RPS6KL1: variants seen among roughly 807,000 people sequenced by gnomAD.
The protein encoded by RPS6KL1 is ribosomal protein S6 kinase-like 1.
In RPS6KL1, 41 loss-of-function variants were observed where a neutral mutation model predicts 57.0. The observed-to-expected ratio is 0.72, with a 90% confidence interval of 0.56 to 0.93. The LOEUF is 0.93. Ranked by LOEUF, RPS6KL1 falls within the 40% of genes least tolerant of loss-of-function variation. RPS6KL1 has a pLI of 0.00. For missense variants in RPS6KL1, 697 were observed against 727.7 expected, an observed-to-expected ratio of 0.96 and a Z score of 0.49; for synonymous variants, 287 against 309.7, an observed-to-expected ratio of 0.93 and a Z score of 0.77.
In RPS6KL1 at chr14:74,911,530, C is replaced by T. The variant is rs1885975754; in HGVS notation, c.532-150G>A. On this transcript the variant is annotated intron_variant, in intron 6 of 11. Coordinates refer to ENST00000557413, the MANE Select transcript of RPS6KL1 (RefSeq NM_031464.5). ...TGACCTGTCCTTACCCCCACTGCCC[C>T]TGTAGAATCTGGGTCCTCCACCCTC... is the stretch of plus-strand genomic sequence containing the variant. 3 of 884,174 alleles carry T rather than the reference C, an allele frequency of 3.4e-6. No individual in the cohort carries two copies. The East Asian group carries it at 7.9e-5, about 23-fold the overall frequency. 54.8% of individuals were successfully genotyped at this position (884,174 alleles called of 1,614,324 possible).
At position 74,911,311 on chromosome 14, in the gene RPS6KL1, T is replaced by A. The variant is rs777363108; in HGVS notation, c.601A>T (p.Thr201Ser). The A allele has an allele frequency of 2.5e-6, 4 of 1,612,400 alleles. No individual in the cohort carries two copies. Among genetic ancestry groups the A allele is most frequent in the Non-Finnish European group, 3.4e-6 (4 of 1,179,992 alleles). ...TIIPHGVPYM[T>S]KLLRYFVSED... The stretch of plus-strand genomic sequence containing the variant: ...CTCACAAAGTACCTGAGCAGCTTCG[T>A]CATGTAGGGGACTCCGTGTGGGATG... Residue 201 changes from threonine (T) to serine (S), a missense_variant, in exon 7 of 12, where the codon ACG (threonine) becomes TCG (serine). Transcript: ENST00000557413.
intron 10 of RPS6KL1, among the ~76,000 whole-genome samples, chr14:74,908,323 T>TC (rs1390282889): frequency 6.6e-6 from 1 of 152,150 alleles, no homozygotes; most frequent in Non-Finnish European, 1.5e-5. Flanking sequence ...CATCAACTGT[T>TC]CCCAAGAGTG....
intron 5 of RPS6KL1, among the ~76,000 whole-genome samples, chr14:74,915,630 C>G (rs114885274): frequency 6.6e-6 from 1 of 152,164 alleles, no homozygotes; most frequent in South Asian, 2.1e-4. Flanking sequence ...AGGGTGGAGG[C>G]GCAGAAAGGA....
chr14:74,906,674 T>C lies in RPS6KL1; in HGVS notation c.*340A>G. 1.9e-6 allele frequency: 1 copy of C among 533,054 alleles called. No individual in the cohort carries two copies. Among genetic ancestry groups the C allele is most frequent in the South Asian group, 1.5e-5 (1 of 67,198 alleles). 33.0% of individuals were successfully genotyped at this position (533,054 alleles called of 1,614,324 possible). A position where few individuals can be genotyped will look rare whatever the true frequency, so the allele number is the denominator to read the frequency against. Reference sequence around the variant, plus strand: ...TGAGTCACAGAACCTCACAGTAGGGTGCAGCAGGTGGTCAACAGCTCAGCG... The same window carrying C: ...TGAGTCACAGAACCTCACAGTAGGGCGCAGCAGGTGGTCAACAGCTCAGCG... On this transcript the variant is annotated 3_prime_UTR_variant, in exon 12 of 12. Transcript: ENST00000557413.
chr14:74,917,615 CCTT>C (rs1354047217), intron 5 of RPS6KL1, among the ~76,000 whole-genome samples: 1 of 152,142 alleles, frequency 6.6e-6, no homozygotes. Flanking sequence ...CATTGTCTGT[CCTT>C]CTAATCAGAA....
At position 74,919,952 on chromosome 14, in the gene RPS6KL1, G is replaced by A. The variant is rs763192790; in HGVS notation, c.283C>T (p.Arg95Ter). The change falls in exon 4 of 12, where the codon CGA (arginine) becomes TGA (stop). Residue 95 changes from arginine (R) to a stop codon, truncating the protein, a stop_gained. Transcript: ENST00000557413. LOFTEE classifies it high-confidence loss of function. ...ATTTTCAGCTTCACAGCCTCACGTC[G>A]CTCCTTGTTGGGGTCAACTGTGGGA... ...RGIHVDPNKE[R>*]REAVKLKITK... 8.7e-6 allele frequency: 14 copies of A among 1,614,006 alleles called. No homozygotes were observed. The highest frequency in any genetic ancestry group is 4.5e-5 in the East Asian group (2 of 44,894).
rs1277791970 is a variant in RPS6KL1, at chr14:74,910,103, T to G, written c.710A>C (p.His237Pro). ...SHLLSQAHSR[H>P]SGLSSGSTQE... Reference sequence around the variant, plus strand: ...GGTAGAGCCAGAGCTGAGCCCAGAATGTCGGGAGTGCGCCTGGGAGAGCAG... The same window carrying G: ...GGTAGAGCCAGAGCTGAGCCCAGAAGGTCGGGAGTGCGCCTGGGAGAGCAG... Residue 237 changes from histidine (H) to proline (P), a missense_variant, in exon 8 of 12, where the codon CAT becomes CCT. Transcript: ENST00000557413. 2.5e-6 allele frequency: 4 copies of G among 1,583,172 alleles called. No individual in the cohort carries two copies. The highest frequency in any genetic ancestry group is 3.4e-6 in the Non-Finnish European group (4 of 1,165,236).
Position 74,921,378 on chromosome 14 carries a change from G to A in RPS6KL1, c.164C>T (p.Thr55Met), listed in dbSNP as rs773424446. 9.9e-6 allele frequency: 16 copies of A among 1,614,134 alleles called. No individual in the cohort carries two copies. The highest frequency in any genetic ancestry group is 1.6e-4 in the Middle Eastern group (1 of 6,084). ...GCGCTCCAGGGCCAGCCGGATCTGC[G>A]TGGCCGCATCCACCAGATAGTCACG... Reference protein sequence around the residue: ...TKRDYLVDAATQIRLALERDV... With the variant: ...TKRDYLVDAAMQIRLALERDV... The change falls in exon 3 of 12, where the codon ACG becomes ATG. Residue 55 changes from threonine to methionine, a missense_variant. By Grantham distance (81) the Thr-to-Met change is moderately conservative. Transcript: ENST00000557413.
chr14:74,921,672 G>A, intron 2 of RPS6KL1, 111 bp from the exon 3 acceptor site: 3 of 1,469,022 alleles, frequency 2.0e-6, no homozygotes, highest in Non-Finnish European at 2.7e-6. Flanking sequence ...TCCAAAGACT[G>A]AAGGGGTCAG....
intron 5 of RPS6KL1, among the ~76,000 whole-genome samples, chr14:74,915,470 T>C (rs1237162300): frequency 6.6e-6 from 1 of 152,210 alleles, no homozygotes; most frequent in African/African-American, 2.4e-5. Flanking sequence ...CAATTAAAGC[T>C]TTGGTGAAAC....
At chr14:74,921,056 A>C (rs1321991155) in intron 3 of RPS6KL1, among the ~76,000 whole-genome samples, 4 of 152,240 alleles carry the variant, frequency 2.6e-5, no homozygotes, top group African/African-American at 9.6e-5. Context: ...TGTGACACTC[A>C]AATGAATGAA....
intron 9 of RPS6KL1, 22 bp downstream of exon 9, chr14:74,909,079 C>A (rs759749694): frequency 4.9e-5 from 79 of 1,611,468 alleles, no homozygotes; most frequent in Non-Finnish European, 6.5e-5. Flanking sequence ...CTAAGGCCCA[C>A]CCTGGCCTCC....
In RPS6KL1 at chr14:74,910,095, G is replaced by A. The variant is rs1885667754; in HGVS notation, c.718C>T (p.Leu240Phe). ...CTCTCCTGGGTAGAGCCAGAGCTGA[G>A]CCCAGAATGTCGGGAGTGCGCCTGG... ...LSQAHSRHSG[L>F]SSGSTQERMK... The change falls in exon 8 of 12, where the codon CTC becomes TTC. Residue 240 changes from leucine to phenylalanine, a missense_variant. By Grantham distance (22) the Leu-to-Phe change is conservative. Coordinates refer to ENST00000557413, the MANE Select transcript of RPS6KL1 (RefSeq NM_031464.5). The A allele has an allele frequency of 1.3e-6, 2 of 1,592,036 alleles. No individual in the cohort carries two copies. Among genetic ancestry groups the A allele is most frequent in the Non-Finnish European group, 1.7e-6 (2 of 1,169,100 alleles).
chr14:74,912,267 G>C (rs950603376), intron 5 of RPS6KL1, among the ~76,000 whole-genome samples: 1 of 152,200 alleles, frequency 6.6e-6, no homozygotes, highest in Non-Finnish European at 1.5e-5. Context: ...CACTGTGTGC[G>C]TGGTGGGCAT....
intron 5 of RPS6KL1, among the ~76,000 whole-genome samples, chr14:74,918,243 A>G (rs1191973889): frequency 6.6e-6 from 1 of 152,130 alleles, no homozygotes; most frequent in African/African-American, 2.4e-5. Flanking sequence ...GGTGTGAGCC[A>G]CTGTGGCTGG....
Position 74,908,940 on chromosome 14 carries a change from A to C in RPS6KL1, c.1361-8T>G, listed in dbSNP as rs1358152216. The C allele has an allele frequency of 6.2e-7, 1 of 1,612,436 alleles. No individual in the cohort carries two copies. The highest frequency in any genetic ancestry group is 8.5e-7 in the Non-Finnish European group (1 of 1,178,978). ...CGGAAATCCCACCCACCTCTGTGGG[A>C]ACAAGAACACAGGTGTCCCAGCCTC... On this transcript the variant is annotated splice_polypyrimidine_tract_variant and splice_region_variant and intron_variant, in intron 9 of 11. Coordinates refer to ENST00000557413, the MANE Select transcript of RPS6KL1 (RefSeq NM_031464.5).
chr14:74,922,471 G>T lies in RPS6KL1; in HGVS notation c.-514C>A. Reference sequence around the variant, plus strand: ...GAGCCAGCAGAGAGCAGAGCACAGAGCTGGGCTGTAAGAACTGTTGGCAGA... The same window carrying T: ...GAGCCAGCAGAGAGCAGAGCACAGATCTGGGCTGTAAGAACTGTTGGCAGA... On this transcript the variant is annotated 5_prime_UTR_variant, in exon 2 of 12. Coordinates refer to ENST00000557413, the MANE Select transcript of RPS6KL1 (RefSeq NM_031464.5). 7.8e-6 allele frequency: 3 copies of T among 386,448 alleles called. No individual in the cohort carries two copies. The highest frequency in any genetic ancestry group is 1.1e-5 in the Non-Finnish European group (3 of 281,720). 23.9% of individuals were successfully genotyped at this position (386,448 alleles called of 1,614,324 possible).
Position 74,922,203 on chromosome 14 carries a change from C to T in RPS6KL1, c.-246G>A, listed in dbSNP as rs1017988341. ...TCCACAGCCACCTTCACAGGGCCTC[C>T]GTAGAGCAAGCTTGGTATCCAGTAC... On this transcript the variant is annotated 5_prime_UTR_variant, in exon 2 of 12. Transcript: ENST00000557413. 35 of 986,998 alleles carry T rather than the reference C, an allele frequency of 3.5e-5. No homozygotes were observed. The highest frequency in any genetic ancestry group is 4.0e-5 in the Non-Finnish European group (33 of 831,064). The allele number at this position is 986,998 out of a possible 1,614,324, so 61.1% of individuals were successfully genotyped here.
chr14:74,921,238 T>TCCCCC, intron 3 of RPS6KL1, 39 bp downstream of exon 3: 13 of 840,134 alleles, frequency 1.5e-5, no homozygotes, highest in East Asian at 5.3e-5. Context: ...CACTGGCCCT[T>TCCCCC]CCCCACCCAC....
Sources: allele counts gnomAD v4.1 joint callset (sites outside exome capture counted in the v4.1 genomes callset), GRCh38; gene constraint gnomAD v4.1.1; transcripts MANE v1.5; gene names NCBI Gene and HGNC (gene_info 2026-07-23, HGNC 2026-07-21).